The following CSMD3 variants were observed in gnomAD, a reference collection of about 807,000 sequenced individuals.
CSMD3 encodes the protein CUB and sushi domain-containing protein 3.
A neutral mutation model predicts 435.2 loss-of-function variants in CSMD3; 177 were observed. The observed-to-expected ratio is 0.41, with a 90% CI of 0.36 to 0.46. The LOEUF is 0.46. CSMD3 is among the 20% of genes least tolerant of loss of function. The pLI is 0.34. For synonymous variants in CSMD3, 1,656 were observed against 1,520.5 expected (o/e 1.09, Z -2.07); for missense variants, 4,265 against 4,504.6 (o/e 0.95, Z 1.52).
intron 1 of CSMD3, among the ~76,000 whole-genome samples, chr8:113,340,006 G>T (rs903885896): frequency 4.6e-5 from 7 of 151,278 alleles, no homozygotes; most frequent in Non-Finnish European, 7.4e-5. Flanking sequence ...CAACATTTAG[G>T]TTTTTTTTAG....
At chr8:113,429,586 T>A (rs1338740438) in intron 1 of CSMD3, among the ~76,000 whole-genome samples, 1 of 152,058 alleles carries the variant, frequency 6.6e-6, no homozygotes, top group Non-Finnish European at 1.5e-5. Context: ...ATTATCTCCT[T>A]TTGTCTTCTA....
At chr8:113,115,891 TC>T (rs1465393530) in intron 4 of CSMD3, among the ~76,000 whole-genome samples, 2 of 152,144 alleles carry the variant, frequency 1.3e-5, no homozygotes, top group Non-Finnish European at 2.9e-5. Flanking sequence ...GACACAGCTC[TC>T]ATAATGGGAT....
At chr8:113,138,248 ATAGTTT>A (rs1467761723) in intron 4 of CSMD3, among the ~76,000 whole-genome samples, 1 of 151,508 alleles carries the variant, frequency 6.6e-6, no homozygotes, top group African/African-American at 2.4e-5. Flanking sequence ...GTGGACATGT[ATAGTTT>A]TAGTGATGTA....
chr8:112,357,507 G>A (rs553797504), intron 38 of CSMD3, among the ~76,000 whole-genome samples: 1 of 152,326 alleles, frequency 6.6e-6, no homozygotes, highest in Admixed American at 6.5e-5. Flanking sequence ...GGAGTCGAAT[G>A]TTAATCCCCA....
chr8:112,561,556 A>G (rs184020742), intron 24 of CSMD3, among the ~76,000 whole-genome samples: 6 of 151,592 alleles, frequency 4.0e-5, no homozygotes, highest in Non-Finnish European at 7.4e-5. Flanking sequence ...GACTCAAATC[A>G]ATGTTAATTC....
intron 5 of CSMD3, among the ~76,000 whole-genome samples, chr8:113,085,956 G>A (rs748359797): frequency 2.6e-5 from 4 of 151,834 alleles, no homozygotes; most frequent in Non-Finnish European, 4.4e-5. Flanking sequence ...AGAGCCAACC[G>A]GCTGGGTGCA....
chr8:113,025,079 A>G (rs545357121), intron 5 of CSMD3, among the ~76,000 whole-genome samples: 1 of 152,026 alleles, frequency 6.6e-6, no homozygotes, highest in Non-Finnish European at 1.5e-5. Flanking sequence ...TAAGGCTGAA[A>G]TGTCTAGATC....
At chr8:112,962,754 C>A (rs1031139457) in intron 7 of CSMD3, among the ~76,000 whole-genome samples, 2 of 151,856 alleles carry the variant, frequency 1.3e-5, no homozygotes, top group African/African-American at 2.4e-5. Context: ...AAAATGCCAA[C>A]ACACTCATCA....
chr8:113,263,490 C>T (rs2132368934), intron 3 of CSMD3, among the ~76,000 whole-genome samples: 1 of 152,006 alleles, frequency 6.6e-6, no homozygotes, highest in East Asian at 1.9e-4. Flanking sequence ...TGCTCAGCTT[C>T]TTGCATTCCT....
chr8:112,553,931 T>A (rs1289083663), intron 25 of CSMD3, among the ~76,000 whole-genome samples: 1 of 151,856 alleles, frequency 6.6e-6, no homozygotes, highest in East Asian at 1.9e-4. Context: ...TTTAATTAAC[T>A]ATTTTATAGG....
intron 22 of CSMD3, among the ~76,000 whole-genome samples, chr8:112,609,493 T>C (rs1833083579): frequency 6.6e-6 from 1 of 151,958 alleles, no homozygotes; most frequent in Non-Finnish European, 1.5e-5. Flanking sequence ...AGCATGTCTA[T>C]TGTAATAAAG....
At position 112,392,864 on chromosome 8, in the gene CSMD3, CTTTTTTT is replaced by C. The variant is rs56809581; in HGVS notation, c.5810-2083_5810-2077del. Among the ~76,000 whole-genome samples the C allele has an allele frequency of 9.9e-4, 121 of 122,176 alleles. 1 individual carries two copies. The highest frequency in any genetic ancestry group is 4.6e-3 in the Middle Eastern group (1 of 218). The allele number at this position is 122,176 out of a possible 152,430, so 80.2% of individuals were successfully genotyped here. ...AGCTCACAGATAGTTTCTTTTTTTT[CTTTTTTT>C]TTTTTTTTTTTTGAAACAAGCTCTG... On this transcript the variant is annotated intron_variant, in intron 35 of 70. Coordinates refer to ENST00000297405, the MANE Select transcript of CSMD3 (RefSeq NM_198123.2).
At chr8:112,502,779 C>A (rs1054760506) in intron 30 of CSMD3, among the ~76,000 whole-genome samples, 1 of 152,002 alleles carries the variant, frequency 6.6e-6, no homozygotes, top group African/African-American at 2.4e-5. Flanking sequence ...TATAATTTTC[C>A]ATTATTGAAA....
chr8:112,685,566 G>A lies in CSMD3; in HGVS notation c.2322C>T (p.Phe774=), dbSNP rs2131804111. The A allele has an allele frequency of 6.2e-7, 1 of 1,613,978 alleles. No individual in the cohort carries two copies. Among genetic ancestry groups the A allele is most frequent in the Non-Finnish European group, 8.5e-7 (1 of 1,179,958 alleles). Residue 774 remains phenylalanine, a synonymous_variant, in exon 15 of 71, where the codon TTC becomes TTT. Coordinates refer to ENST00000297405, the MANE Select transcript of CSMD3 (RefSeq NM_198123.2). Reference sequence around the variant, plus strand: ...GAGAGTCACCATCTTTAACAGCAAGGAAATCAAACTGGGATTCCAGGTCAA... The same window carrying A: ...GAGAGTCACCATCTTTAACAGCAAGAAAATCAAACTGGGATTCCAGGTCAA... ...NDFDLESQFD[F]LAVKDGDSPE... is the part of the protein sequence containing the mutation.
At chr8:113,283,987 A>T (rs2093629196) in intron 2 of CSMD3, among the ~76,000 whole-genome samples, 1 of 152,198 alleles carries the variant, frequency 6.6e-6, no homozygotes, top group Non-Finnish European at 1.5e-5. Context: ...TAAGTCAGGA[A>T]TGGAAAACCA....
chr8:112,970,261 T>C (rs1315736724), intron 7 of CSMD3, among the ~76,000 whole-genome samples: 1 of 151,836 alleles, frequency 6.6e-6, no homozygotes, highest in Non-Finnish European at 1.5e-5. Context: ...GCTTTAGGGT[T>C]TAGGGATTAT....
At chr8:112,701,400 C>T (rs576986750) in intron 13 of CSMD3, among the ~76,000 whole-genome samples, 2 of 152,204 alleles carry the variant, frequency 1.3e-5, no homozygotes, top group African/African-American at 4.8e-5. Flanking sequence ...AACTGAAGTT[C>T]TGAGAAGCTG....
At chr8:113,212,682 G>A (rs2092851723) in intron 3 of CSMD3, among the ~76,000 whole-genome samples, 1 of 151,476 alleles carries the variant, frequency 6.6e-6, no homozygotes, top group Non-Finnish European at 1.5e-5. Flanking sequence ...GGTGGGAATT[G>A]AACAATGAGA....
chr8:113,112,428 T>G (rs1376444111), intron 4 of CSMD3, among the ~76,000 whole-genome samples: 2 of 14,412 alleles, frequency 1.4e-4, no homozygotes, highest in Non-Finnish European at 2.3e-4. Context: ...TATATATATA[T>G]ATATATATAT....
Sources: allele counts gnomAD v4.1 joint callset (sites outside exome capture counted in the v4.1 genomes callset), GRCh38; gene constraint gnomAD v4.1.1; transcripts MANE v1.5; gene names NCBI Gene and HGNC (gene_info 2026-07-23, HGNC 2026-07-21).